The following MACROD2 variants were observed in gnomAD, a reference collection of about 807,000 sequenced individuals.
The protein encoded by MACROD2 is mono-ADP ribosylhydrolase 2.
A neutral mutation model predicts 70.4 loss-of-function variants in MACROD2; 36 were observed. That is an observed-to-expected ratio of 0.51 (90% CI 0.39 to 0.68). The LOEUF (loss-of-function observed/expected upper bound fraction) is 0.68, where lower values mean the gene tolerates loss of function less well. Ranked by LOEUF, MACROD2 falls within the 30% of genes least tolerant of loss-of-function variation. MACROD2 has a pLI of 0.00. For synonymous variants in MACROD2, 172 were observed against 178.8 expected, an observed-to-expected ratio of 0.96 and a Z score of 0.30; for missense variants, 496 against 538.4, an observed-to-expected ratio of 0.92 and a Z score of 0.78.
chr20:14,520,631 G>T (rs1407302455), intron 4 of MACROD2, among the ~76,000 whole-genome samples: 2 of 151,682 alleles, frequency 1.3e-5, no homozygotes, highest in African/African-American at 4.8e-5. Flanking sequence ...CATCTTCCCT[G>T]GTGAACTACC....
rs536917203 is a variant in MACROD2, at chr20:15,970,114, A to G, written c.985+2484A>G. Among the ~76,000 whole-genome samples, 16 of 152,208 alleles carry G rather than the reference A, an allele frequency of 1.1e-4. 1 individual carries two copies. In the East Asian group the frequency reaches 3.1e-3, roughly 29 times the overall value. On this transcript the variant is annotated intron_variant, in intron 13 of 17. Transcript: ENST00000684519. ...AAAATAGCTGTGAACCAAGAATTCT[A>G]AACCCAGGGGGAAAAGTATGTTTCA...
intron 15 of MACROD2, among the ~76,000 whole-genome samples, chr20:16,016,923 A>G (rs934636779): frequency 1.3e-5 from 2 of 152,044 alleles, no homozygotes; most frequent in Non-Finnish European, 2.9e-5. Flanking sequence ...CTATTGGCCT[A>G]TTTTCAAAAT....
chr20:15,425,117 C>T (rs141819148), intron 6 of MACROD2, among the ~76,000 whole-genome samples: 3 of 152,222 alleles, frequency 2.0e-5, no homozygotes, highest in Admixed American at 2.0e-4. Flanking sequence ...TCATTAAGGA[C>T]TGGAGCAACA....
At chr20:15,064,053 G>GT (rs1290968139) in intron 5 of MACROD2, among the ~76,000 whole-genome samples, 1 of 152,198 alleles carries the variant, frequency 6.6e-6, no homozygotes. Flanking sequence ...GTTTAAGTTT[G>GT]AAGGGCTGGT....
At chr20:14,663,265 G>A (rs550373135) in intron 4 of MACROD2, among the ~76,000 whole-genome samples, 2 of 152,110 alleles carry the variant, frequency 1.3e-5, no homozygotes, top group Non-Finnish European at 2.9e-5. Context: ...TGACTTCTAA[G>A]TGGGAGCTAA....
intron 8 of MACROD2, among the ~76,000 whole-genome samples, chr20:15,759,941 G>C (rs925846762): frequency 6.6e-6 from 1 of 152,126 alleles, no homozygotes; most frequent in Non-Finnish European, 1.5e-5. Flanking sequence ...CCCAAGAGGA[G>C]AACTGAATTT....
At chr20:16,036,331 T>A (rs2067236013) in intron 15 of MACROD2, among the ~76,000 whole-genome samples, 1 of 151,934 alleles carries the variant, frequency 6.6e-6, no homozygotes, top group Admixed American at 6.6e-5. Flanking sequence ...TCTAATTAAC[T>A]ACATTCTGTG....
chr20:14,679,237 G>T (rs955332795), intron 4 of MACROD2, among the ~76,000 whole-genome samples: 1 of 152,172 alleles, frequency 6.6e-6, no homozygotes, highest in Admixed American at 6.6e-5. Context: ...TTGTCCAGTT[G>T]TAAATGGTTT....
At chr20:14,124,201 T>C (rs1170903126) in intron 3 of MACROD2, among the ~76,000 whole-genome samples, 1 of 152,180 alleles carries the variant, frequency 6.6e-6, no homozygotes, top group Non-Finnish European at 1.5e-5. Context: ...TAACATTTTA[T>C]TGAATGTTTC....
At position 14,090,436 on chromosome 20, in the gene MACROD2, G is replaced by A. The variant is rs563362958; in HGVS notation, c.271+4708G>A. ...GAAAATACAAAAATTAGCTGGGCAC[G>A]GTGGCAGGTGCCTGTAATCCCAGCT... On this transcript the variant is annotated intron_variant, in intron 3 of 17. Transcript: ENST00000684519. Among the ~76,000 whole-genome samples the A allele has an allele frequency of 5.9e-5, 9 of 152,120 alleles. No homozygotes were observed. The South Asian group carries it at 1.5e-3, about 25-fold the overall frequency.
At chr20:15,519,955 C>T (rs545936263) in intron 8 of MACROD2, among the ~76,000 whole-genome samples, 1 of 152,272 alleles carries the variant, frequency 6.6e-6, no homozygotes, top group South Asian at 2.1e-4. Flanking sequence ...GTGGCAAAGT[C>T]GAGGAGAAGC....
At chr20:14,797,680 C>T (rs2072526537) in intron 5 of MACROD2, among the ~76,000 whole-genome samples, 1 of 152,110 alleles carries the variant, frequency 6.6e-6, no homozygotes, top group Admixed American at 6.5e-5. Flanking sequence ...TTTCACAGCA[C>T]ATATAGCTGT....
chr20:15,068,395 T>C (rs1004968288), intron 5 of MACROD2, among the ~76,000 whole-genome samples: 1 of 152,194 alleles, frequency 6.6e-6, no homozygotes, highest in Non-Finnish European at 1.5e-5. Flanking sequence ...AATGCAGAAA[T>C]GTTTTGTGAA....
chr20:14,002,056 T>G (rs1206101641), intron 1 of MACROD2, among the ~76,000 whole-genome samples: 1 of 152,218 alleles, frequency 6.6e-6, no homozygotes, highest in East Asian at 1.9e-4. Context: ...GTTTACTTAT[T>G]TCTTGGACTA....
intron 8 of MACROD2, among the ~76,000 whole-genome samples, chr20:15,601,102 C>T (rs1349120151): frequency 6.6e-6 from 1 of 152,148 alleles, no homozygotes; most frequent in African/African-American, 2.4e-5. Flanking sequence ...AGGGATTCAA[C>T]ACAGGAAGGT....
intron 5 of MACROD2, among the ~76,000 whole-genome samples, chr20:14,915,035 T>C (rs2074074503): frequency 1.3e-5 from 2 of 152,174 alleles, no homozygotes; most frequent in African/African-American, 2.4e-5. Flanking sequence ...AAGGCACACA[T>C]GGTTGGATTA....
rs2066159148 is a variant in MACROD2, at chr20:15,967,542, T to C, written c.908-11T>C. The C allele has an allele frequency of 6.2e-7, 1 of 1,609,424 alleles. No individual in the cohort carries two copies. Among genetic ancestry groups the C allele is most frequent in the Non-Finnish European group, 8.5e-7 (1 of 1,178,164 alleles). ...AAATGCTGACCAAAGGTTTTGCTTG[T>C]TTGTTGTTAGATTTTGCAAAGGATG... On this transcript the variant is annotated splice_polypyrimidine_tract_variant and intron_variant, in intron 12 of 17. Transcript: ENST00000684519.
intron 4 of MACROD2, among the ~76,000 whole-genome samples, chr20:14,521,664 A>G (rs2085170250): frequency 1.3e-5 from 2 of 152,172 alleles, no homozygotes; most frequent in African/African-American, 4.8e-5. Context: ...CAGCCTGTTC[A>G]CAGTAACTTT....
intron 5 of MACROD2, among the ~76,000 whole-genome samples, chr20:14,851,083 A>G (rs2073194738): frequency 6.6e-6 from 1 of 152,204 alleles, no homozygotes; most frequent in Admixed American, 6.5e-5. Flanking sequence ...CTAGGAAAAG[A>G]AGTATGTCTT....
Sources: allele counts gnomAD v4.1 joint callset (sites outside exome capture counted in the v4.1 genomes callset), GRCh38; gene constraint gnomAD v4.1.1; transcripts MANE v1.5; gene names NCBI Gene and HGNC (gene_info 2026-07-23, HGNC 2026-07-21).